Variants in GOLPH3L observed in about 807,000 individuals in gnomAD.
The protein encoded by GOLPH3L is Golgi phosphoprotein 3-like.
In GOLPH3L, 22 loss-of-function variants were observed where a neutral mutation model predicts 30.3. That is an observed-to-expected ratio of 0.73 (90% CI 0.52 to 1.04). The LOEUF is 1.04. Among genes scored for constraint, GOLPH3L ranks in the 50% least tolerant of loss-of-function variants. The pLI, the probability that GOLPH3L is intolerant of heterozygous loss-of-function variation, is 0.00. For missense variants in GOLPH3L, 303 were observed against 345.8 expected (o/e 0.88, Z 0.98); for synonymous variants, 120 against 128.2 (o/e 0.94, Z 0.43).
intron 2 of GOLPH3L, among the ~76,000 whole-genome samples, chr1:150,692,567 A>AT (rs907546207): frequency 1.8e-4 from 28 of 152,036 alleles, no homozygotes; most frequent in Admixed American, 3.3e-4. Context: ...TTTGTTTTAA[A>AT]TTTTTTGTAG....
chr1:150,660,248 A>G (rs1484571376), intron 4 of GOLPH3L, among the ~76,000 whole-genome samples: 1 of 152,108 alleles, frequency 6.6e-6, no homozygotes, highest in African/African-American at 2.4e-5. Context: ...GCCTACTCGG[A>G]TGTCTATAAT....
intron 4 of GOLPH3L, among the ~76,000 whole-genome samples, chr1:150,659,487 G>C (rs759446039): frequency 6.6e-6 from 1 of 152,154 alleles, no homozygotes; most frequent in East Asian, 1.9e-4. Flanking sequence ...GCCAGAGCCC[G>C]TCCCTTTATT....
chr1:150,668,889 A>C (rs1557784207), intron 2 of GOLPH3L, among the ~76,000 whole-genome samples: 1 of 152,170 alleles, frequency 6.6e-6, no homozygotes, highest in Non-Finnish European at 1.5e-5. Context: ...ACTGGAAGAA[A>C]GTTTTCTTTT....
At chr1:150,662,759 TA>T (rs368701959) in intron 3 of GOLPH3L, among the ~76,000 whole-genome samples, 4 of 152,228 alleles carry the variant, frequency 2.6e-5, no homozygotes, top group African/African-American at 7.2e-5. Context: ...TTCAAAGTGA[TA>T]AAAAGTGTCA....
At chr1:150,688,750 C>G (rs1362612523) in intron 2 of GOLPH3L, among the ~76,000 whole-genome samples, 1 of 152,028 alleles carries the variant, frequency 6.6e-6, no homozygotes, top group Non-Finnish European at 1.5e-5. Context: ...GATTCTATCT[C>G]AAACAAACAA....
intron 2 of GOLPH3L, among the ~76,000 whole-genome samples, chr1:150,683,210 C>T (rs7524734): frequency 0.39 from 58,453 of 151,774 alleles, 11,562 homozygotes; most frequent in South Asian, 0.55. Context: ...ATGACCTGCC[C>T]AGGCAACATG....
At chr1:150,676,797 C>T (rs373851358) in intron 2 of GOLPH3L, among the ~76,000 whole-genome samples, 1 of 151,770 alleles carries the variant, frequency 6.6e-6, no homozygotes, top group East Asian at 2.0e-4. Flanking sequence ...CCACCCGCCA[C>T]CAAGCCTGGC....
At chr1:150,673,644 A>G (rs1650694860) in intron 2 of GOLPH3L, among the ~76,000 whole-genome samples, 1 of 152,044 alleles carries the variant, frequency 6.6e-6, no homozygotes, top group South Asian at 2.1e-4. Context: ...AAATTTGAAA[A>G]CAGGCCAGGC....
intron 4 of GOLPH3L, among the ~76,000 whole-genome samples, chr1:150,656,514 A>C (rs1650243736): frequency 6.6e-6 from 1 of 152,186 alleles, no homozygotes; most frequent in African/African-American, 2.4e-5. Flanking sequence ...ATAAAGCTAA[A>C]ACAAATAGAA....
At chr1:150,667,012 T>C (rs1650523837) in intron 2 of GOLPH3L, among the ~76,000 whole-genome samples, 1 of 152,130 alleles carries the variant, frequency 6.6e-6, no homozygotes, top group Non-Finnish European at 1.5e-5. Context: ...GAGGGAAAGA[T>C]CTGTTTCTGC....
At position 150,694,663 on chromosome 1, in the gene GOLPH3L, T is replaced by C; in HGVS notation, c.176A>G (p.Asp59Gly). The C allele has an allele frequency of 1.3e-6, 2 of 1,594,800 alleles. No individual in the cohort carries two copies. The highest frequency in any genetic ancestry group is 1.7e-6 in the Non-Finnish European group (2 of 1,170,030). Reference sequence around the variant, plus strand: ...CAAACCTAACTGCATTACCTCTTTATCTTTTAGTCCCAGAAGCAATACTTC... The same window carrying C: ...CAAACCTAACTGCATTACCTCTTTACCTTTTAGTCCCAGAAGCAATACTTC... Reference protein sequence around the residue: ...MEEVLLLGLKDKEGYTSFWND... With the variant: ...MEEVLLLGLKGKEGYTSFWND... The change falls in exon 2 of 5, where the codon GAT (aspartate) becomes GGT (glycine). Residue 59 changes from aspartate (D) to glycine (G), a missense_variant. By Grantham distance (94) the Asp-to-Gly change is moderately conservative. Coordinates refer to ENST00000271732, the MANE Select transcript of GOLPH3L (RefSeq NM_018178.6).
chr1:150,694,447 A>C, intron 2 of GOLPH3L: 1 of 447,578 alleles, frequency 2.2e-6, no homozygotes, highest in South Asian at 4.0e-5. Context: ...TTTTGGAGTA[A>C]TTTTGTAATT....
chr1:150,678,057 T>A (rs1650855804), intron 2 of GOLPH3L, among the ~76,000 whole-genome samples: 1 of 151,682 alleles, frequency 6.6e-6, no homozygotes, highest in Non-Finnish European at 1.5e-5. Context: ...CCCAGCACTT[T>A]GGGAGGCTGA....
intron 2 of GOLPH3L, among the ~76,000 whole-genome samples, chr1:150,688,061 C>A (rs1441034156): frequency 6.6e-6 from 1 of 152,144 alleles, no homozygotes; most frequent in Non-Finnish European, 1.5e-5. Context: ...TAGGGATATA[C>A]ATACATGTCA....
chr1:150,685,578 G>A (rs1218326594), intron 2 of GOLPH3L, among the ~76,000 whole-genome samples: 1 of 152,032 alleles, frequency 6.6e-6, no homozygotes, highest in Non-Finnish European at 1.5e-5. Context: ...GCCAGGCGTG[G>A]TGGCATGCAC....
intron 2 of GOLPH3L, among the ~76,000 whole-genome samples, chr1:150,692,624 C>A (rs946141189): frequency 3.9e-5 from 6 of 152,122 alleles, no homozygotes; most frequent in African/African-American, 1.4e-4. Context: ...AACTCCTGGG[C>A]CCAAGCAATC....
rs1436089190 is a variant in GOLPH3L at position 150,648,560 on chromosome 1, C to T, written c.619G>A (p.Val207Ile). The T allele has an allele frequency of 1.2e-6, 2 of 1,613,924 alleles. No individual in the cohort carries two copies. The highest frequency in any genetic ancestry group is 1.7e-5 in the Admixed American group (1 of 60,006). The change falls in exon 5 of 5, where the codon GTA becomes ATA. Residue 207 changes from valine (V) to isoleucine (I), a missense_variant. By Grantham distance (29) the Val-to-Ile change is conservative (BLOSUM62 3). Transcript: ENST00000271732. ...QRLVKKLQDS[V>I]LERWVNDPQR... Reference sequence around the variant, plus strand: ...GGGTCATTTACCCACCGCTCTAGTACACTATCTTGAAGTTTTTTCACTAGT... The same window carrying T: ...GGGTCATTTACCCACCGCTCTAGTATACTATCTTGAAGTTTTTTCACTAGT...
Position 150,677,152 on chromosome 1 carries a change from C to T in GOLPH3L, c.184-13389G>A, listed in dbSNP as rs1244617141. 4.0e-5 allele frequency among the ~76,000 whole-genome samples: 6 copies of T among 151,476 alleles called. No homozygotes were observed. In the East Asian group the frequency reaches 5.8e-4, roughly 15 times the overall value. On this transcript the variant is annotated intron_variant, in intron 2 of 4. Coordinates refer to ENST00000271732, the MANE Select transcript of GOLPH3L (RefSeq NM_018178.6). ...GTGGCGCGATCTTGGCTCACTGCAA[C>T]CTCTGCCTCCCGGGTTCAAGCAATT...
At chr1:150,653,681 C>T (rs1309581333) in intron 4 of GOLPH3L, among the ~76,000 whole-genome samples, 2 of 151,878 alleles carry the variant, frequency 1.3e-5, no homozygotes, top group Non-Finnish European at 2.9e-5. Context: ...GTCTCAAATT[C>T]CTGGACTCAA....
Sources: allele counts gnomAD v4.1 joint callset (sites outside exome capture counted in the v4.1 genomes callset), GRCh38; gene constraint gnomAD v4.1.1; transcripts MANE v1.5; gene names NCBI Gene and HGNC (gene_info 2026-07-23, HGNC 2026-07-21).